The following MTAP variants were observed in gnomAD, a reference collection of about 807,000 sequenced individuals.
MTAP encodes the protein methylthioadenosine phosphorylase.
In MTAP, 33 loss-of-function variants were observed where a neutral mutation model predicts 33.6. The ratio of observed to expected loss-of-function variants is 0.98; its 90% CI spans 0.74 to 1.31. The LOEUF (loss-of-function observed/expected upper bound fraction) is 1.31. MTAP is among the 40% of genes most tolerant of loss of function. The pLI is 0.00. For synonymous variants in MTAP, 148 were observed against 125.7 expected, an observed-to-expected ratio of 1.18 and a Z score of -1.19; for missense variants, 367 against 360.0, an observed-to-expected ratio of 1.02 and a Z score of -0.16.
At chr9:21,925,283 C>T (rs1221560655) in intron 1 of MTAP, among the ~76,000 whole-genome samples, 2 of 152,128 alleles carry the variant, frequency 1.3e-5, no homozygotes, top group Non-Finnish European at 2.9e-5. Context: ...TAACCTAGAC[C>T]CAGAGACATC....
rs139623042 is a variant in MTAP, at chr9:21,807,602, C to T, written c.33+4821C>T. Among the ~76,000 whole-genome samples the T allele has an allele frequency of 9.9e-3, 1,509 of 152,260 alleles. 7 individuals are homozygous for T. The highest frequency in any genetic ancestry group is 0.015 in the Non-Finnish European group (1,037 of 68,022). On this transcript the variant is annotated intron_variant, in intron 1 of 7. Coordinates refer to ENST00000644715, the MANE Select transcript of MTAP (RefSeq NM_002451.4). ...CCTAGTCATGACAGCCAGAAATAGC[C>T]CTGTTTCCAGATACCCCCAGGAGAG... is the stretch of plus-strand genomic sequence containing the variant.
rs574047089 is a variant in MTAP at position 21,867,010 on chromosome 9, T to C, written c.*4996T>C. On this transcript the variant is annotated 3_prime_UTR_variant, in exon 8 of 8. Transcript: ENST00000644715. ...TTCATTTTTAAGTTTATTGCTGGTA[T>C]ACAGAAATATGTTTTATTTTTGTAT... The C allele has an allele frequency of 6.6e-6, 1 of 152,318 alleles. No homozygotes were observed. Among genetic ancestry groups the C allele is most frequent in the East Asian group, 1.9e-4 (1 of 5,192 alleles). The allele number at this position is 152,318 out of a possible 1,614,324, so 9.4% of individuals were successfully genotyped here.
chr9:21,819,124 T>G (rs1044906992), intron 4 of MTAP, among the ~76,000 whole-genome samples: 2 of 146,766 alleles, frequency 1.4e-5, no homozygotes, highest in Non-Finnish European at 1.5e-5. Context: ...GTTGTGTATA[T>G]ATACCACATT....
Position 21,847,551 on chromosome 9 carries a change from G to A in MTAP, c.451-7080G>A, listed in dbSNP as rs577171023. Among the ~76,000 whole-genome samples, 17 of 152,270 alleles carry A rather than the reference G, an allele frequency of 1.1e-4. No individual in the cohort carries two copies. In the South Asian group the frequency reaches 3.5e-3, roughly 32 times the overall value. ...ACTCCTGATTCATCACTCGTGAGAG[G>A]CAAGGACTCTACATAATACCTTTGA... On this transcript the variant is annotated intron_variant, in intron 5 of 7. Transcript: ENST00000644715.
chr9:21,838,603 T>C (rs1825167245), intron 5 of MTAP, among the ~76,000 whole-genome samples: 2 of 152,244 alleles, frequency 1.3e-5, no homozygotes, highest in African/African-American at 4.8e-5. Context: ...GCCTTTGACC[T>C]GAGTTTGGCC....
At position 21,859,390 on chromosome 9, in the gene MTAP, T is replaced by C. The variant is rs772783776; in HGVS notation, c.778T>C (p.Ser260Pro). ...GCTCACTACCATACCTCAGATAGGG[T>C]CCACAGAATGGTCAGAAACCCTCCA... ...LLLTTIPQIG[S>P]TEWSETLHNL... Residue 260 changes from serine to proline, a missense_variant, in exon 7 of 8, where the codon TCC becomes CCC. Ser to Pro is a moderately conservative substitution (Grantham distance 74). Transcript: ENST00000644715. 1 of 1,613,370 alleles carries C rather than the reference T, an allele frequency of 6.2e-7. No individual in the cohort carries two copies. Among genetic ancestry groups the C allele is most frequent in the Admixed American group, 1.7e-5 (1 of 59,914 alleles).
intron 5 of MTAP, among the ~76,000 whole-genome samples, chr9:21,844,502 C>A (rs1001017214): frequency 6.6e-6 from 1 of 152,190 alleles, no homozygotes; most frequent in African/African-American, 2.4e-5. Context: ...CTAACCAAAT[C>A]CAACAGCATA....
At chr9:21,907,298 G>A (rs1458971174) in intron 1 of MTAP, among the ~76,000 whole-genome samples, 3 of 152,182 alleles carry the variant, frequency 2.0e-5, no homozygotes, top group Admixed American at 6.5e-5. Context: ...TATAACCCCA[G>A]CACTTTGGGA....
At chr9:21,876,522 A>G (rs1423931348) in intron 1 of MTAP, among the ~76,000 whole-genome samples, 1 of 152,096 alleles carries the variant, frequency 6.6e-6, no homozygotes, top group Non-Finnish European at 1.5e-5. Context: ...TAAGTCTTTA[A>G]TCCATCTTGA....
At chr9:21,818,761 C>T (rs1471519054) in intron 4 of MTAP, among the ~76,000 whole-genome samples, 1 of 152,168 alleles carries the variant, frequency 6.6e-6, no homozygotes, top group Non-Finnish European at 1.5e-5. Flanking sequence ...TAACATATTA[C>T]CCCACATATC....
intron 1 of MTAP, among the ~76,000 whole-genome samples, chr9:21,916,966 G>T (rs181749380): frequency 2.4e-4 from 36 of 152,338 alleles, no homozygotes; most frequent in African/African-American, 8.7e-4. Context: ...TAGTGTGATA[G>T]AAGTCAAGGT....
chr9:21,897,503 T>C (rs1457165556), intron 1 of MTAP, among the ~76,000 whole-genome samples: 1 of 152,188 alleles, frequency 6.6e-6, no homozygotes, highest in Non-Finnish European at 1.5e-5. Context: ...GCCCAAAATC[T>C]CCTTAAGCTG....
intron 4 of MTAP, among the ~76,000 whole-genome samples, chr9:21,819,238 C>A (rs1165860834): frequency 6.6e-6 from 1 of 151,698 alleles, no homozygotes; most frequent in Non-Finnish European, 1.5e-5. Context: ...TGTGCTGCAC[C>A]CATTAACTCG....
chr9:21,841,609 T>A (rs754491235), intron 5 of MTAP, among the ~76,000 whole-genome samples: 1 of 150,070 alleles, frequency 6.7e-6, no homozygotes, highest in Non-Finnish European at 1.5e-5. Flanking sequence ...CAGTACTCAT[T>A]GCAGACATCC....
chr9:21,811,334 C>T (rs1263345045), intron 1 of MTAP, among the ~76,000 whole-genome samples: 1 of 152,190 alleles, frequency 6.6e-6, no homozygotes, highest in Non-Finnish European at 1.5e-5. Flanking sequence ...TTACTATGCA[C>T]CCTTTCCACA....
intron 1 of MTAP, among the ~76,000 whole-genome samples, chr9:21,889,676 C>G (rs1818168192): frequency 6.6e-6 from 1 of 152,180 alleles, no homozygotes; most frequent in Admixed American, 6.5e-5. Context: ...TGGGTCTAGC[C>G]TCCCAGCAGA....
intron 1 of MTAP, among the ~76,000 whole-genome samples, chr9:21,913,618 A>T (rs937936427): frequency 6.6e-6 from 1 of 152,226 alleles, no homozygotes; most frequent in Non-Finnish European, 1.5e-5. Context: ...ACCTTATACA[A>T]AAATTAATTC....
chr9:21,906,347 T>G (rs1163937818), intron 1 of MTAP, among the ~76,000 whole-genome samples: 1 of 151,852 alleles, frequency 6.6e-6, no homozygotes, highest in Non-Finnish European at 1.5e-5. Context: ...AAAAAAAACA[T>G]TAAAAATAAA....
intron 1 of MTAP, among the ~76,000 whole-genome samples, chr9:21,894,996 A>T (rs1818265803): frequency 6.6e-6 from 1 of 152,180 alleles, no homozygotes; most frequent in Non-Finnish European, 1.5e-5. Context: ...CCACAAGGAG[A>T]ATTACAAAAC....
Sources: gnomAD v4.1 joint callset for allele counts (sites outside exome capture counted in the v4.1 genomes callset) on GRCh38, gnomAD v4.1.1 for gene constraint, MANE v1.5 for transcripts, NCBI Gene and HGNC (gene_info 2026-07-23, HGNC 2026-07-21) for gene names.